The following NLGN1 variants were observed in gnomAD, a reference collection of about 807,000 sequenced individuals.
NLGN1 encodes the protein neuroligin-1.
A neutral mutation model predicts 65.5 loss-of-function variants in NLGN1; 12 were observed. The ratio of observed to expected loss-of-function variants is 0.18; its 90% CI spans 0.12 to 0.30. The LOEUF (loss-of-function observed/expected upper bound fraction) is 0.30, where lower values mean the gene tolerates loss of function less well. NLGN1 is among the 10% of genes least tolerant of loss of function. The pLI, the probability that NLGN1 is intolerant of heterozygous loss-of-function variation, is 1.00. For synonymous variants in NLGN1, 350 were observed against 359.5 expected, an observed-to-expected ratio of 0.97 and a Z score of 0.30; for missense variants, 750 against 1,007.1, an observed-to-expected ratio of 0.74 and a Z score of 3.46.
intron 2 of NLGN1, among the ~76,000 whole-genome samples, chr3:173,549,479 C>T (rs975868872): frequency 1.3e-5 from 2 of 151,838 alleles, no homozygotes; most frequent in Admixed American, 6.6e-5. Context: ...CACCTGTATG[C>T]GTGCTTTACT....
intron 2 of NLGN1, among the ~76,000 whole-genome samples, chr3:173,515,603 A>G (rs901489441): frequency 6.6e-6 from 1 of 152,036 alleles, no homozygotes; most frequent in African/African-American, 2.4e-5. Flanking sequence ...TTCTTCTAAT[A>G]GTTTCATAGT....
chr3:173,645,418 C>G (rs1453842132), intron 3 of NLGN1, among the ~76,000 whole-genome samples: 1 of 152,204 alleles, frequency 6.6e-6, no homozygotes, highest in Non-Finnish European at 1.5e-5. Flanking sequence ...CTTTCCTCCA[C>G]TATTCCCACT....
intron 3 of NLGN1, among the ~76,000 whole-genome samples, chr3:173,632,166 T>C (rs907960898): frequency 6.6e-6 from 1 of 152,126 alleles, no homozygotes; most frequent in African/African-American, 2.4e-5. Flanking sequence ...TGTCTTCCTC[T>C]CTTAGAGGAA....
chr3:174,273,669 T>A (rs928378002), intron 4 of NLGN1, among the ~76,000 whole-genome samples: 1 of 151,782 alleles, frequency 6.6e-6, no homozygotes, highest in Non-Finnish European at 1.5e-5. Context: ...TTGAACTGTA[T>A]TTTTTACAAC....
intron 3 of NLGN1, among the ~76,000 whole-genome samples, chr3:173,656,324 A>C (rs1454476124): frequency 6.6e-6 from 1 of 152,140 alleles, no homozygotes; most frequent in Non-Finnish European, 1.5e-5. Context: ...AGTTAATTAG[A>C]GCTCATAACT....
intron 3 of NLGN1, among the ~76,000 whole-genome samples, chr3:173,717,493 A>G (rs959298887): frequency 6.6e-6 from 1 of 152,146 alleles, no homozygotes; most frequent in African/African-American, 2.4e-5. Context: ...TGTTTTAGCC[A>G]TGATCCATGG....
intron 4 of NLGN1, among the ~76,000 whole-genome samples, chr3:173,828,369 A>G (rs897108199): frequency 4.5e-4 from 68 of 152,216 alleles, no homozygotes; most frequent in African/African-American, 1.6e-3. Flanking sequence ...GTATATATCC[A>G]GGAACACGGG....
intron 4 of NLGN1, among the ~76,000 whole-genome samples, chr3:174,132,992 T>C (rs1257769909): frequency 6.6e-6 from 1 of 152,196 alleles, no homozygotes; most frequent in African/African-American, 2.4e-5. Context: ...TTGAGTGTCA[T>C]TGATTCCACC....
chr3:173,819,268 C>A (rs1189877659), intron 4 of NLGN1, among the ~76,000 whole-genome samples: 5 of 152,078 alleles, frequency 3.3e-5, no homozygotes, highest in Admixed American at 3.3e-4. Flanking sequence ...ATCCTCTAGA[C>A]CTAAATTCAT....
rs142618806 is a variant in NLGN1 at position 173,844,841 on chromosome 3, A to C, written c.646+37009A>C. ...TGAGTTACACAGTGTACTAGAAAGA[A>C]AACATGTTGTCACTACATTTAAGGC... On this transcript the variant is annotated intron_variant, in intron 4 of 6. Coordinates refer to ENST00000457714, the Ensembl canonical transcript of NLGN1. Among the ~76,000 whole-genome samples, 610 of 152,346 alleles carry C rather than the reference A, an allele frequency of 4.0e-3. 4 individuals are homozygous for C. Among genetic ancestry groups the C allele is most frequent in the African/African-American group, 0.014 (574 of 41,584 alleles).
chr3:173,486,404 A>G lies in NLGN1; in HGVS notation c.-321+51326A>G, dbSNP rs1013281698. 1.1e-3 allele frequency among the ~76,000 whole-genome samples: 171 copies of G among 152,136 alleles called. 1 individual carries two copies. The highest frequency in any genetic ancestry group is 4.0e-3 in the African/African-American group (165 of 41,442). ...TTCACCGATATTTTGAGGTGAAATT[A>G]TAGGCTTCACTAGACTGTCAGAGGA... On this transcript the variant is annotated intron_variant, in intron 2 of 6. Transcript: ENST00000457714.
intron 4 of NLGN1, among the ~76,000 whole-genome samples, chr3:174,223,520 C>T (rs1167867560): frequency 6.6e-6 from 1 of 151,870 alleles, no homozygotes; most frequent in East Asian, 1.9e-4. Flanking sequence ...CTCACTTTTC[C>T]TTTACCTAAT....
intron 1 of NLGN1, among the ~76,000 whole-genome samples, chr3:173,409,662 A>T (rs73178878): frequency 4.1e-4 from 63 of 152,278 alleles, no homozygotes; most frequent in Middle Eastern, 6.8e-3. Flanking sequence ...CAGAACCCAA[A>T]TTCAGGATTT....
In NLGN1 at chr3:174,149,386, A is replaced by G. The variant is rs577145924; in HGVS notation, c.647-125929A>G. On this transcript the variant is annotated intron_variant, in intron 4 of 6. Coordinates refer to ENST00000457714, the Ensembl canonical transcript of NLGN1. ...AATGCTTTCTTCTTCTGACTTCTGC[A>G]TGTGTTAAAATTCTACATTTCAGCA... Among the ~76,000 whole-genome samples the G allele has an allele frequency of 9.2e-5, 14 of 152,258 alleles. No individual in the cohort carries two copies. In the East Asian group the frequency reaches 1.4e-3, roughly 15 times the overall value.
chr3:173,992,949 G>A (rs1385309529), intron 4 of NLGN1, among the ~76,000 whole-genome samples: 7 of 152,066 alleles, frequency 4.6e-5, no homozygotes, highest in Non-Finnish European at 8.8e-5. Flanking sequence ...ATCCATGTGG[G>A]TTACGAATCT....
chr3:173,850,411 T>G (rs1726683048), intron 4 of NLGN1, among the ~76,000 whole-genome samples: 1 of 152,200 alleles, frequency 6.6e-6, no homozygotes, highest in African/African-American at 2.4e-5. Flanking sequence ...TAAAAATCAC[T>G]GTGTTGTGAT....
At chr3:173,793,140 A>T (rs1004739851) in intron 3 of NLGN1, among the ~76,000 whole-genome samples, 1 of 152,148 alleles carries the variant, frequency 6.6e-6, no homozygotes, top group African/African-American at 2.4e-5. Flanking sequence ...ATTAATAACT[A>T]CAACTTCAAA....
chr3:173,999,879 T>G (rs968972279), intron 4 of NLGN1, among the ~76,000 whole-genome samples: 5 of 152,080 alleles, frequency 3.3e-5, no homozygotes, highest in Non-Finnish European at 4.4e-5. Context: ...TACAACAGCA[T>G]TTTCAAAAGA....
chr3:173,625,912 A>G (rs1391946244), intron 3 of NLGN1, among the ~76,000 whole-genome samples: 4 of 152,108 alleles, frequency 2.6e-5, no homozygotes, highest in Non-Finnish European at 5.9e-5. Context: ...TTACACTATA[A>G]AAGATGATAG....
Sources: allele counts gnomAD v4.1 joint callset (sites outside exome capture counted in the v4.1 genomes callset), GRCh38; gene constraint gnomAD v4.1.1; transcripts MANE v1.5; gene names NCBI Gene and HGNC (gene_info 2026-07-23, HGNC 2026-07-21).